The following ZNF438 variants were observed in gnomAD, a reference collection of about 807,000 sequenced individuals.
The protein encoded by ZNF438 is zinc finger protein 438.
Under a neutral mutation model 38.0 loss-of-function variants are expected in ZNF438, and 25 were observed. The ratio of observed to expected loss-of-function variants is 0.66; its 90% CI spans 0.48 to 0.92. The LOEUF (loss-of-function observed/expected upper bound fraction) is 0.92, where lower values mean the gene tolerates loss of function less well. Among genes scored for constraint, ZNF438 ranks in the 40% least tolerant of loss-of-function variants. The pLI is 0.00. For missense variants in ZNF438, 1,007 were observed against 999.6 expected (o/e 1.01, Z -0.10); for synonymous variants, 372 against 364.1 (o/e 1.02, Z -0.25).
chr10:31,008,703 G>A (rs954857028), intron 1 of ZNF438, among the ~76,000 whole-genome samples: 4 of 152,152 alleles, frequency 2.6e-5, no homozygotes, highest in Non-Finnish European at 4.4e-5. Context: ...GGTTGTTTCC[G>A]CTGTTTAGCT....
rs77288495 is a variant in ZNF438 at position 30,947,201 on chromosome 10, G to C, written c.-191-5550C>G. Among the ~76,000 whole-genome samples the C allele has an allele frequency of 3.5e-3, 539 of 152,252 alleles. 2 individuals carry two copies. The highest frequency in any genetic ancestry group is 0.017 in the Middle Eastern group (5 of 294). On this transcript the variant is annotated intron_variant, in intron 1 of 5. Transcript: ENST00000413025. ...TCCAGACCGCATTGAGCTCATTCTCGAGTTGAAGGCCACCAAGTGACCTCA... is the reference window on the plus strand; with the variant it reads ...TCCAGACCGCATTGAGCTCATTCTCCAGTTGAAGGCCACCAAGTGACCTCA...
intron 1 of ZNF438, among the ~76,000 whole-genome samples, chr10:30,948,833 A>G (rs1280411431): frequency 6.6e-6 from 1 of 150,560 alleles, no homozygotes; most frequent in Non-Finnish European, 1.5e-5. Flanking sequence ...TCTGCAGGAT[A>G]TTATCCAGGA....
chr10:30,915,142 TA>T (rs905528609), intron 2 of ZNF438, among the ~76,000 whole-genome samples: 1 of 151,960 alleles, frequency 6.6e-6, no homozygotes, highest in African/African-American at 2.4e-5. Context: ...TCAGACTCTT[TA>T]AAAATAAAAA....
intron 2 of ZNF438, among the ~76,000 whole-genome samples, chr10:30,916,359 A>G (rs527947651): frequency 2.0e-5 from 3 of 152,048 alleles, no homozygotes; most frequent in Non-Finnish European, 4.4e-5. Flanking sequence ...ATACATACCA[A>G]ATAGTATTTT....
chr10:30,915,031 A>G (rs1455828952), intron 2 of ZNF438, among the ~76,000 whole-genome samples: 1 of 152,062 alleles, frequency 6.6e-6, no homozygotes, highest in Admixed American at 6.6e-5. Context: ...CTTTAAACCT[A>G]CAATTCTAAT....
At chr10:30,886,359 A>C (rs2039952299) in intron 3 of ZNF438, among the ~76,000 whole-genome samples, 1 of 152,128 alleles carries the variant, frequency 6.6e-6, no homozygotes, top group African/African-American at 2.4e-5. Flanking sequence ...GTTGTTTGAA[A>C]ATTTTTAATG....
At chr10:31,011,055 C>A (rs1211732082) in intron 1 of ZNF438, among the ~76,000 whole-genome samples, 1 of 152,104 alleles carries the variant, frequency 6.6e-6, no homozygotes, top group African/African-American at 2.4e-5. Context: ...ACCATGCATG[C>A]TTCATGGTTC....
At chr10:31,006,607 C>T (rs2055152074) in intron 1 of ZNF438, among the ~76,000 whole-genome samples, 1 of 151,924 alleles carries the variant, frequency 6.6e-6, no homozygotes, top group African/African-American at 2.4e-5. Flanking sequence ...TGTGGGAACC[C>T]CAATTTATAG....
chr10:30,929,809 C>A (rs2045419686), intron 2 of ZNF438, among the ~76,000 whole-genome samples: 1 of 152,092 alleles, frequency 6.6e-6, no homozygotes, highest in Non-Finnish European at 1.5e-5. Flanking sequence ...TTCTCCAAGT[C>A]CCCACCAGAT....
intron 3 of ZNF438, among the ~76,000 whole-genome samples, chr10:30,894,589 A>G (rs2041097270): frequency 6.6e-6 from 1 of 152,192 alleles, no homozygotes; most frequent in Non-Finnish European, 1.5e-5. Flanking sequence ...AAATTAGGCA[A>G]GGAGAACTAT....
At chr10:30,871,636 G>T (rs1039702508) in intron 4 of ZNF438, among the ~76,000 whole-genome samples, 6 of 152,112 alleles carry the variant, frequency 3.9e-5, no homozygotes, top group Non-Finnish European at 8.8e-5. Flanking sequence ...CAAAATGTTA[G>T]GTCTGTAAGC....
At chr10:30,845,283 G>A in exon 6 of ZNF438, 2 of 1,614,124 alleles carry the variant, frequency 1.2e-6, no homozygotes, top group East Asian at 4.5e-5. Flanking sequence ...TCTTGGACAT[G>A]CATGTGATTC....
chr10:30,902,769 G>T (rs1435871681), intron 3 of ZNF438, among the ~76,000 whole-genome samples: 1 of 152,230 alleles, frequency 6.6e-6, no homozygotes. Context: ...CTCCCACCGG[G>T]CCGCAGGTGG....
intron 3 of ZNF438, among the ~76,000 whole-genome samples, chr10:30,901,305 T>A (rs1477377277): frequency 6.6e-6 from 1 of 152,244 alleles, no homozygotes; most frequent in Non-Finnish European, 1.5e-5. Context: ...AGCATTAAGT[T>A]GCCAATGTGG....
intron 1 of ZNF438, among the ~76,000 whole-genome samples, chr10:30,952,038 G>T (rs2048271436): frequency 6.7e-6 from 1 of 149,684 alleles, no homozygotes; most frequent in South Asian, 2.1e-4. Context: ...GCATGGTACT[G>T]GTACCAAAAC....
Position 30,943,083 on chromosome 10 carries a change from G to C in ZNF438, c.-191-1432C>G, listed in dbSNP as rs578079236. On this transcript the variant is annotated intron_variant, in intron 1 of 5. Transcript: ENST00000413025. ...TCTGGTATACTTTGAAAGTGAAGCT[G>C]AATCTTTAACAAGGTTTTTGTCATT... Among the ~76,000 whole-genome samples the C allele has an allele frequency of 4.6e-5, 7 of 152,218 alleles. No individual in the cohort carries two copies. The South Asian group carries it at 1.5e-3, about 32-fold the overall frequency.
At chr10:30,986,657 A>T (rs1396322738) in intron 1 of ZNF438, among the ~76,000 whole-genome samples, 2 of 152,210 alleles carry the variant, frequency 1.3e-5, no homozygotes, top group Non-Finnish European at 2.9e-5. Flanking sequence ...AAAAATTTTG[A>T]AACATTTGCA....
intron 3 of ZNF438, among the ~76,000 whole-genome samples, chr10:30,908,666 A>G (rs1036144707): frequency 2.6e-5 from 4 of 152,246 alleles, no homozygotes; most frequent in African/African-American, 9.6e-5. Context: ...TACGCTGCAT[A>G]TAAAAATATA....
intron 1 of ZNF438, among the ~76,000 whole-genome samples, chr10:30,950,705 T>C (rs1020657686): frequency 2.8e-5 from 4 of 142,506 alleles, no homozygotes; most frequent in African/African-American, 8.0e-5. Flanking sequence ...CAGGAAGAAG[T>C]TGAATCTCTG....
Sources: gnomAD v4.1 joint callset for allele counts (sites outside exome capture counted in the v4.1 genomes callset) on GRCh38, gnomAD v4.1.1 for gene constraint, MANE v1.5 for transcripts, NCBI Gene and HGNC (gene_info 2026-07-23, HGNC 2026-07-21) for gene names.